Variants in MYCBP2 observed in about 807,000 individuals in gnomAD.
MYCBP2 encodes the protein MYC binding protein 2.
In MYCBP2, 120 loss-of-function variants were observed where a neutral mutation model predicts 525.3. The ratio of observed to expected loss-of-function variants is 0.23; its 90% CI spans 0.20 to 0.27. MYCBP2 has a LOEUF of 0.27. Among genes scored for constraint, MYCBP2 ranks in the 10% least tolerant of loss-of-function variants. The pLI is 1.00. For missense variants in MYCBP2, 4,149 were observed against 5,657.1 expected, an observed-to-expected ratio of 0.73 and a Z score of 8.55; for synonymous variants, 1,894 against 1,955.8, an observed-to-expected ratio of 0.97 and a Z score of 0.83.
At chr13:77,116,413 C>T (rs2049776779) in intron 55 of MYCBP2, among the ~76,000 whole-genome samples, 1 of 151,780 alleles carries the variant, frequency 6.6e-6, no homozygotes, top group South Asian at 2.1e-4. Flanking sequence ...TGGCACTTTG[C>T]CACATTTACC....
chr13:77,207,967 C>T (rs2063545730), intron 23 of MYCBP2, among the ~76,000 whole-genome samples: 1 of 150,270 alleles, frequency 6.7e-6, no homozygotes, highest in African/African-American at 2.5e-5. Context: ...GCCCCACCCG[C>T]CCCAGCCCCA....
At chr13:77,234,970 TA>T (rs2067688661) in intron 17 of MYCBP2, among the ~76,000 whole-genome samples, 1 of 152,062 alleles carries the variant, frequency 6.6e-6, no homozygotes, top group Non-Finnish European at 1.5e-5. Flanking sequence ...TTTTGATTTA[TA>T]AATCAAGAAG....
chr13:77,231,549 C>T (rs1266894378), intron 18 of MYCBP2, among the ~76,000 whole-genome samples: 2 of 152,154 alleles, frequency 1.3e-5, no homozygotes, highest in Middle Eastern at 3.2e-3. Flanking sequence ...CCCAGCCTCA[C>T]TGAATAATTT....
intron 24 of MYCBP2, 130 bp downstream of exon 24, chr13:77,206,516 GAGGATTT>G (rs1278373599): frequency 2.4e-6 from 2 of 817,940 alleles, no homozygotes; most frequent in East Asian, 5.9e-5. Flanking sequence ...TAGCCTCTTA[GAGGATTT>G]AACTTATTTT....
rs775568996 is a variant in MYCBP2, at chr13:77,273,492, G to T, written c.925C>A (p.His309Asn). 2 of 1,590,718 alleles carry T rather than the reference G, an allele frequency of 1.3e-6. No individual in the cohort carries two copies. The highest frequency in any genetic ancestry group is 1.7e-6 in the Non-Finnish European group (2 of 1,173,430). Residue 309 changes from histidine (H) to asparagine (N), a missense_variant, in exon 5 of 83, where the codon CAT (histidine) becomes AAT (asparagine). Transcript: ENST00000544440. ...AATACCTGAATAGTTTGGCAAGCAT[G>T]GCTTCCATTGTTGGTGAGGATAGCA... is the stretch of plus-strand genomic sequence containing the variant. Reference protein sequence around the residue: ...ISAILTNNGSHACQTIQVPTI... With the variant: ...ISAILTNNGSNACQTIQVPTI...
At chr13:77,320,148 T>C (rs946953722) in intron 1 of MYCBP2, among the ~76,000 whole-genome samples, 1 of 152,166 alleles carries the variant, frequency 6.6e-6, no homozygotes, top group Non-Finnish European at 1.5e-5. Context: ...ACTGTATAGA[T>C]ATTAGATGTA....
intron 52 of MYCBP2, among the ~76,000 whole-genome samples, chr13:77,134,476 G>A (rs1480105372): frequency 2.0e-5 from 3 of 152,248 alleles, no homozygotes; most frequent in East Asian, 1.9e-4. Flanking sequence ...GGAGGTTGCA[G>A]TGAGCCAAGA....
intron 1 of MYCBP2, among the ~76,000 whole-genome samples, chr13:77,308,714 G>A (rs1333831307): frequency 6.6e-6 from 1 of 152,172 alleles, no homozygotes; most frequent in African/African-American, 2.4e-5. Flanking sequence ...CACCAGTAGG[G>A]AAAACAAAAG....
chr13:77,055,035 G>A (rs754733261), intron 80 of MYCBP2, among the ~76,000 whole-genome samples: 3 of 152,016 alleles, frequency 2.0e-5, no homozygotes, highest in Non-Finnish European at 2.9e-5. Context: ...CATGGTAGGT[G>A]AAGGTATAGA....
intron 1 of MYCBP2, among the ~76,000 whole-genome samples, chr13:77,300,105 G>A (rs974247334): frequency 2.0e-5 from 3 of 152,142 alleles, no homozygotes; most frequent in Non-Finnish European, 4.4e-5. Context: ...AAAATAAAGA[G>A]ATGAAGGAGA....
chr13:77,115,638 A>G (rs544621077), intron 55 of MYCBP2, among the ~76,000 whole-genome samples: 7 of 151,792 alleles, frequency 4.6e-5, no homozygotes. Context: ...TTAATGTGCC[A>G]GATTATTTTC....
In MYCBP2 at chr13:77,140,068, T is replaced by C; in HGVS notation, c.7497A>G (p.Gly2499=). 1 of 1,610,338 alleles carries C rather than the reference T, an allele frequency of 6.2e-7. No individual in the cohort carries two copies. Among genetic ancestry groups the C allele is most frequent in the Non-Finnish European group, 8.5e-7 (1 of 1,178,420 alleles). ...SEQIGIVKVN[G]TITFIDEIHN... The stretch of plus-strand genomic sequence containing the variant: ...TTACCTCATCAATAAAAGTGATAGT[T>C]CCATTGACTTTCACTATGCCTATCT... The change falls in exon 51 of 83, where the codon GGA becomes GGG. Residue 2499 remains glycine, a synonymous_variant. Transcript: ENST00000544440.
intron 8 of MYCBP2, 77 bp downstream of exon 8, chr13:77,267,764 C>A (rs2074309150): frequency 2.6e-6 from 3 of 1,133,520 alleles, no homozygotes; most frequent in Non-Finnish European, 4.0e-6. Context: ...GCTAATCATT[C>A]TTTATGTGTC....
chr13:77,055,598 A>T lies in MYCBP2; in HGVS notation c.13607T>A (p.Met4536Lys), dbSNP rs2037793600. The T allele has an allele frequency of 6.2e-7, 1 of 1,613,912 alleles. No individual in the cohort carries two copies. Among genetic ancestry groups the T allele is most frequent in the Admixed American group, 1.7e-5 (1 of 60,006 alleles). The part of the protein sequence containing the change: ...RFYNDPAGYA[M>K]NRYAYYVCYK... ...GCACACATAATATGCATATCTATTC[A>T]TTGCATAGCCAGCTGGGTCATTATA... is the stretch of plus-strand genomic sequence containing the variant. The change falls in exon 80 of 83, where the codon ATG becomes AAG. Residue 4536 changes from methionine to lysine, a missense_variant. This residue lies in a region of MYCBP2 where 4 missense variants were observed against 23.0 expected (regional missense o/e 0.17). Transcript: ENST00000544440.
chr13:77,270,635 A>G (rs1293562827), intron 5 of MYCBP2, 97 bp from the exon 6 acceptor site: 3 of 1,243,934 alleles, frequency 2.4e-6, no homozygotes, highest in Non-Finnish European at 3.3e-6. Context: ...TCATAAGACA[A>G]TAAATTGTTC....
At chr13:77,284,430 T>C (rs552309810) in intron 3 of MYCBP2, among the ~76,000 whole-genome samples, 3 of 152,258 alleles carry the variant, frequency 2.0e-5, no homozygotes, top group African/African-American at 7.2e-5. Context: ...TCAAATCCCA[T>C]CACCTCAAAC....
In MYCBP2 at chr13:77,206,668, C is replaced by T. The variant is rs1368448398; in HGVS notation, c.3574G>A (p.Ala1192Thr). Residue 1192 changes from alanine to threonine, a missense_variant, in exon 24 of 83, where the codon GCT becomes ACT. This residue lies in a region of MYCBP2 where 620 missense variants were observed against 795.5 expected (regional missense o/e 0.78). Transcript: ENST00000544440. The part of the protein sequence containing the change: ...SRALTTRSHA[A>T]LHILGCLDTL... ...GCAACCCTACCTAAAATGTGCAAAG[C>T]TGCATGAGATCGGGTAGTGAGGGCC... 1.9e-5 allele frequency: 31 copies of T among 1,599,206 alleles called. No homozygotes were observed. The highest frequency in any genetic ancestry group is 2.6e-5 in the Non-Finnish European group (30 of 1,172,492).
chr13:77,128,297 C>G (rs183580898), intron 52 of MYCBP2, among the ~76,000 whole-genome samples: 5 of 151,756 alleles, frequency 3.3e-5, no homozygotes, highest in African/African-American at 1.2e-4. Flanking sequence ...TTGGAAGGGG[C>G]AAGTTTTAAT....
In MYCBP2 at chr13:77,326,958, C is replaced by T; in HGVS notation, c.-183G>A. On this transcript the variant is annotated 5_prime_UTR_variant, in exon 1 of 83. Coordinates refer to ENST00000544440, the MANE Select transcript of MYCBP2 (RefSeq NM_015057.5). This position sits in a 1 kb window ranked among gnomAD's most constrained non-coding sequence, Gnocchi z 4.2. Reference sequence around the variant, plus strand: ...CTCCTTCTTCTCCTCCTCCCCCCCGCGCCGCCCTCGCCGCTACTGGGGCCG... The same window carrying T: ...CTCCTTCTTCTCCTCCTCCCCCCCGTGCCGCCCTCGCCGCTACTGGGGCCG... The T allele has an allele frequency of 9.8e-6, 5 of 508,906 alleles. No homozygotes were observed. Among genetic ancestry groups the T allele is most frequent in the South Asian group, 1.2e-4 (2 of 16,936 alleles). 31.5% of individuals were successfully genotyped at this position (508,906 alleles called of 1,614,324 possible).
Sources: gnomAD v4.1 joint callset for allele counts (sites outside exome capture counted in the v4.1 genomes callset) on GRCh38, gnomAD v4.1.1 for gene constraint, gnomAD v4.1.1 regional missense constraint, Gnocchi (gnomAD v3.1) non-coding constraint, MANE v1.5 for transcripts, NCBI Gene and HGNC (gene_info 2026-07-23, HGNC 2026-07-21) for gene names.